The following SLC9B1 variants were observed in gnomAD, a reference collection of about 807,000 sequenced individuals.
The protein encoded by SLC9B1 is sodium/hydrogen exchanger 9B1.
A neutral mutation model predicts 51.7 loss-of-function variants in SLC9B1; 32 were observed. The ratio of observed to expected loss-of-function variants is 0.62; its 90% CI spans 0.47 to 0.83. The LOEUF is 0.83. Among genes scored for constraint, SLC9B1 ranks in the 40% least tolerant of loss-of-function variants. The pLI is 0.00. For synonymous variants in SLC9B1, 145 were observed against 212.7 expected, an observed-to-expected ratio of 0.68 and a Z score of 2.77; for missense variants, 406 against 613.2, an observed-to-expected ratio of 0.66 and a Z score of 3.57.
At chr4:102,944,918 A>G (rs189676802) in intron 6 of SLC9B1, among the ~76,000 whole-genome samples, 4 of 152,308 alleles carry the variant, frequency 2.6e-5, no homozygotes, top group African/African-American at 4.8e-5. Flanking sequence ...TAGATAGATT[A>G]AAACATACAG....
chr4:102,915,269 A>G (rs539436292), intron 7 of SLC9B1, among the ~76,000 whole-genome samples: 1 of 152,372 alleles, frequency 6.6e-6, no homozygotes, highest in African/African-American at 2.4e-5. Context: ...TGGAAATGAA[A>G]GGGCATTGGA....
intron 7 of SLC9B1, among the ~76,000 whole-genome samples, chr4:102,928,732 G>A (rs1374518629): frequency 6.6e-6 from 1 of 152,086 alleles, no homozygotes; most frequent in Admixed American, 6.6e-5. Flanking sequence ...CAACACGTCT[G>A]CAAGTTGAGG....
intron 3 of SLC9B1, among the ~76,000 whole-genome samples, chr4:102,986,585 C>T (rs1044555494): frequency 6.6e-6 from 1 of 152,098 alleles, no homozygotes; most frequent in Non-Finnish European, 1.5e-5. Flanking sequence ...TCTTCCTTTT[C>T]CTTTTGATAT....
chr4:103,001,411 A>C (rs1304409328), intron 1 of SLC9B1, among the ~76,000 whole-genome samples: 2 of 152,172 alleles, frequency 1.3e-5, no homozygotes, highest in African/African-American at 4.8e-5. Context: ...GCAAACTCTT[A>C]TGGTCTGTCA....
rs1343288570 is a variant in SLC9B1 at position 102,948,671 on chromosome 4, G to A, written c.382+586C>T. On this transcript the variant is annotated intron_variant, in intron 4 of 11. Coordinates refer to ENST00000296422, the MANE Select transcript of SLC9B1 (RefSeq NM_139173.4). ...ACATCATGTCCTTTGCAGCAACATG[G>A]ATAAAGCTGAACACCATTATCCTAA... is the stretch of plus-strand genomic sequence containing the variant. 2.6e-5 allele frequency among the ~76,000 whole-genome samples: 4 copies of A among 152,106 alleles called. No homozygotes were observed. The East Asian group carries it at 7.7e-4, about 29-fold the overall frequency.
chr4:102,963,012 T>A, intron 3 of SLC9B1: 1 of 458,494 alleles, frequency 2.2e-6, no homozygotes, highest in South Asian at 1.5e-5. Flanking sequence ...TTGATGTGCA[T>A]GGTCCACTGT....
chr4:102,933,250 C>G (rs1028842574), intron 6 of SLC9B1, among the ~76,000 whole-genome samples: 3 of 152,204 alleles, frequency 2.0e-5, no homozygotes, highest in Admixed American at 2.0e-4. Context: ...GTGCACCCCT[C>G]TACTTTCCCT....
intron 7 of SLC9B1, among the ~76,000 whole-genome samples, chr4:102,911,794 C>G (rs992616064): frequency 1.3e-5 from 2 of 151,904 alleles, no homozygotes; most frequent in African/African-American, 4.8e-5. Context: ...AAAACAAAGA[C>G]TTAACAAGCA....
At chr4:102,887,991 G>A (rs1214144252) in intron 11 of SLC9B1, 1 of 153,250 alleles carries the variant, frequency 6.5e-6, no homozygotes, top group Non-Finnish European at 1.5e-5. Context: ...GATACAAAAA[G>A]TTCCATTGAG....
intron 9 of SLC9B1, 140 bp from the exon 10 acceptor site, chr4:102,906,784 G>A: frequency 1.7e-6 from 1 of 599,018 alleles, no homozygotes; most frequent in Non-Finnish European, 2.9e-6. Flanking sequence ...AGGCTGGAGT[G>A]TAGTGGCATA....
chr4:102,924,277 G>T (rs1736042263), intron 7 of SLC9B1, among the ~76,000 whole-genome samples: 1 of 151,822 alleles, frequency 6.6e-6, no homozygotes, highest in Admixed American at 6.6e-5. Flanking sequence ...TCTGATCTTT[G>T]ACAAACCTGA....
intron 6 of SLC9B1, among the ~76,000 whole-genome samples, 180 bp downstream of exon 6, chr4:102,945,013 T>C (rs942516526): frequency 5.3e-5 from 8 of 152,132 alleles, no homozygotes; most frequent in Non-Finnish European, 1.2e-4. Context: ...GAATGTTTGT[T>C]AAAAAAATTT....
At position 103,006,026 on chromosome 4, in the gene SLC9B1, G is replaced by A. The variant is rs375257499; in HGVS notation, c.-2+13573C>T. Among the ~76,000 whole-genome samples, 49 of 151,936 alleles carry A rather than the reference G, an allele frequency of 3.2e-4. No individual in the cohort carries two copies. The East Asian group carries it at 3.9e-3, about 12-fold the overall frequency. ...TCTCAAATTAACAACCTATCCTTACGGCTAGAAGAAATAGAAAAACAAGAG... is the reference window on the plus strand; with the variant it reads ...TCTCAAATTAACAACCTATCCTTACAGCTAGAAGAAATAGAAAAACAAGAG... On this transcript the variant is annotated intron_variant, in intron 1 of 11. Coordinates refer to ENST00000296422, the MANE Select transcript of SLC9B1 (RefSeq NM_139173.4).
intron 3 of SLC9B1, among the ~76,000 whole-genome samples, chr4:102,989,535 CA>C (rs1739834431): frequency 6.6e-6 from 1 of 151,832 alleles, no homozygotes; most frequent in Admixed American, 6.6e-5. Flanking sequence ...ATCCTTTAAT[CA>C]ATGATGTTTC....
intron 4 of SLC9B1, among the ~76,000 whole-genome samples, chr4:102,948,329 C>CACACACAT (rs1553982881): frequency 6.9e-6 from 1 of 144,250 alleles, no homozygotes; most frequent in Non-Finnish European, 1.5e-5. Context: ...AAGCCATACA[C>CACACACAT]ACACACACAC....
chr4:102,947,492 A>C (rs1024720591), intron 4 of SLC9B1, among the ~76,000 whole-genome samples: 7 of 152,180 alleles, frequency 4.6e-5, no homozygotes, highest in Admixed American at 2.6e-4. Context: ...CTCTTGCCTT[A>C]GCCTCCTGAG....
intron 3 of SLC9B1, among the ~76,000 whole-genome samples, chr4:102,975,485 T>C (rs2110503816): frequency 6.7e-6 from 1 of 150,358 alleles, no homozygotes; most frequent in East Asian, 1.9e-4. Context: ...GAATAGTTGG[T>C]ACCTCCAGGA....
intron 6 of SLC9B1, among the ~76,000 whole-genome samples, chr4:102,941,770 C>T (rs60324804): frequency 0.028 from 4,179 of 150,198 alleles, 188 homozygotes; most frequent in African/African-American, 0.093. Context: ...CCCAGTTTCA[C>T]CACTTCTATT....
chr4:102,934,720 C>T (rs1031291346), intron 6 of SLC9B1, among the ~76,000 whole-genome samples: 1 of 144,712 alleles, frequency 6.9e-6, no homozygotes, highest in African/African-American at 2.6e-5. Context: ...GAGCTGAGAT[C>T]ACGCCACTGC....
Sources: gnomAD v4.1 joint callset for allele counts (sites outside exome capture counted in the v4.1 genomes callset) on GRCh38, gnomAD v4.1.1 for gene constraint, MANE v1.5 for transcripts, NCBI Gene and HGNC (gene_info 2026-07-23, HGNC 2026-07-21) for gene names.